Variants in ADAM32 observed in about 807,000 individuals in gnomAD.
ADAM32 encodes the protein disintegrin and metalloproteinase domain-containing protein 32.
ADAM32 carries 89 observed loss-of-function variants against 114.9 expected under a neutral mutation model. The ratio of observed to expected loss-of-function variants is 0.77; its 90% CI spans 0.65 to 0.92. The LOEUF (loss-of-function observed/expected upper bound fraction) is 0.92, where lower values mean the gene tolerates loss of function less well. Among genes scored for constraint, ADAM32 ranks in the 40% least tolerant of loss-of-function variants. The probability of loss-of-function intolerance (pLI) is 0.00; values close to 1 mark genes in which losing one functional copy is unlikely to be tolerated. For missense variants in ADAM32, 870 were observed against 932.8 expected (o/e 0.93, Z 0.88); for synonymous variants, 285 against 307.5 (o/e 0.93, Z 0.77).
intron 2 of ADAM32, among the ~76,000 whole-genome samples, chr8:39,125,177 C>A (rs1199892618): frequency 3.3e-5 from 5 of 152,112 alleles, no homozygotes; most frequent in Non-Finnish European, 7.3e-5. Context: ...ATCCTTCGCC[C>A]AATTTTTAAT....
At chr8:39,223,964 A>C (rs1327000966) in intron 14 of ADAM32, 1 of 152,172 alleles carries the variant, frequency 6.6e-6, no homozygotes, top group Non-Finnish European at 1.5e-5. Flanking sequence ...GTTACTGCAA[A>C]TGGCAGGATT....
chr8:39,160,840 C>A (rs1246398770), intron 6 of ADAM32, 57 bp from the exon 7 acceptor site: 1 of 1,423,226 alleles, frequency 7.0e-7, no homozygotes, highest in Non-Finnish European at 9.5e-7. Flanking sequence ...AAGAAGAGTT[C>A]AAGTAAAAAA....
chr8:39,205,309 C>T lies in ADAM32; in HGVS notation c.1053-5835C>T, dbSNP rs563191702. Among the ~76,000 whole-genome samples the T allele has an allele frequency of 2.2e-3, 333 of 152,344 alleles. 2 individuals are homozygous for T. The highest frequency in any genetic ancestry group is 7.1e-3 in the African/African-American group (294 of 41,586). ...GCTTCCAGGCAGCTTTGTTTACCTA[C>T]TCAAGCCTCGGCAATGGCAGGCGCC... On this transcript the variant is annotated intron_variant, in intron 11 of 24. Transcript: ENST00000379907.
At chr8:39,226,007 C>T (rs1809343615) in intron 14 of ADAM32, among the ~76,000 whole-genome samples, 1 of 151,954 alleles carries the variant, frequency 6.6e-6, no homozygotes, top group Non-Finnish European at 1.5e-5. Context: ...TAAGGATACT[C>T]AGCAAACTTC....
rs1809096497 is a variant in ADAM32 at position 39,223,098 on chromosome 8, A to C, written c.1385A>C (p.Glu462Ala). 3.1e-6 allele frequency: 5 copies of C among 1,594,016 alleles called. No homozygotes were observed. The highest frequency in any genetic ancestry group is 1.1e-5 in the South Asian group (1 of 87,224). Reference sequence around the variant, plus strand: ...GCACATCCTGAATGTGACATCGCTGAAAATTGTAATGGAACCTCACCAGAA... The same window carrying C: ...GCACATCCTGAATGTGACATCGCTGCAAATTGTAATGGAACCTCACCAGAA... The part of the protein sequence containing the change: ...PKAHPECDIA[E>A]NCNGTSPECG... Residue 462 changes from glutamate to alanine, a missense_variant, in exon 14 of 25, where the codon GAA becomes GCA. Transcript: ENST00000379907.
chr8:39,208,116 C>A (rs902388872), intron 11 of ADAM32, among the ~76,000 whole-genome samples: 8 of 151,650 alleles, frequency 5.3e-5, no homozygotes, highest in African/African-American at 1.9e-4. Flanking sequence ...ATATAGTAGT[C>A]CTATTTTTAG....
intron 10 of ADAM32, among the ~76,000 whole-genome samples, chr8:39,180,777 C>T (rs566988007): frequency 3.5e-4 from 54 of 152,116 alleles, no homozygotes; most frequent in African/African-American, 1.2e-3. Flanking sequence ...CTTGGAGAAC[C>T]TTTATGTCTA....
intron 16 of ADAM32, among the ~76,000 whole-genome samples, chr8:39,242,733 A>G (rs995249564): frequency 8.5e-5 from 13 of 152,342 alleles, no homozygotes; most frequent in Non-Finnish European, 1.6e-4. Flanking sequence ...TCAAGGAACT[A>G]GAGAAACAGG....
Position 39,169,927 on chromosome 8 carries a change from A to T in ADAM32, c.845A>T (p.Tyr282Phe). Residue 282 changes from tyrosine (Y) to phenylalanine (F), a missense_variant, in exon 10 of 25, where the codon TAT becomes TTT. By Grantham distance (22) the Tyr-to-Phe change is conservative. Coordinates refer to ENST00000379907, the MANE Select transcript of ADAM32 (RefSeq NM_145004.7). ...ATTTATTTATTTAGTTATATGGATT[A>T]TCCTCGTTATTTGGGAGCAGTGTTT... ...DIAYLLIYMD[Y>F]PRYLGAVFPG... 6.3e-7 allele frequency: 1 copy of T among 1,592,104 alleles called. No individual in the cohort carries two copies.
intron 19 of ADAM32, among the ~76,000 whole-genome samples, chr8:39,260,694 A>G (rs77831186): frequency 0.013 from 1,943 of 152,186 alleles, 19 homozygotes; most frequent in Non-Finnish European, 0.019. Context: ...TTAATCAAGG[A>G]TATTGGCCTA....
chr8:39,157,956 C>T (rs1804240748), intron 6 of ADAM32: 1 of 339,494 alleles, frequency 2.9e-6, no homozygotes, highest in Non-Finnish European at 5.7e-6. Context: ...GGGCAGGATG[C>T]CATGCCCCAA....
chr8:39,135,606 T>C (rs571212350), intron 2 of ADAM32, among the ~76,000 whole-genome samples: 155 of 152,324 alleles, frequency 1.0e-3, no homozygotes, highest in African/African-American at 3.6e-3. Flanking sequence ...CTAGTTTGTC[T>C]TCTACTGTCC....
At chr8:39,275,286 A>G (rs542469637) in intron 21 of ADAM32, among the ~76,000 whole-genome samples, 106 of 152,292 alleles carry the variant, frequency 7.0e-4, no homozygotes, top group Middle Eastern at 3.4e-3. Context: ...TTTAGTTTGT[A>G]TTTACCTTTC....
upstream of ADAM32, chr8:39,107,681 G>C (rs1208309034): frequency 5.2e-6 from 8 of 1,539,920 alleles, no homozygotes; most frequent in African/African-American, 1.1e-4. Flanking sequence ...TCCCATGAAC[G>C]TGCGGGGAGC....
At chr8:39,242,875 A>G (rs572218316) in intron 16 of ADAM32, among the ~76,000 whole-genome samples, 1 of 152,342 alleles carries the variant, frequency 6.6e-6, no homozygotes, top group South Asian at 2.1e-4. Context: ...AACAAAACGG[A>G]TAGACCATTA....
intron 10 of ADAM32, among the ~76,000 whole-genome samples, chr8:39,176,623 G>C (rs1406443987): frequency 1.3e-5 from 2 of 152,172 alleles, no homozygotes; most frequent in Admixed American, 6.5e-5. Context: ...ATTGATTTTA[G>C]AGTAAGTACT....
At chr8:39,267,148 T>C (rs1014268286) in intron 19 of ADAM32, among the ~76,000 whole-genome samples, 1 of 152,056 alleles carries the variant, frequency 6.6e-6, no homozygotes, top group East Asian at 1.9e-4. Context: ...TAGGTGGGGG[T>C]TCCCCCATTT....
At chr8:39,153,176 C>T (rs1213898442) in intron 6 of ADAM32, among the ~76,000 whole-genome samples, 6 of 152,052 alleles carry the variant, frequency 3.9e-5, no homozygotes. Flanking sequence ...TTAAATAATA[C>T]AGGGTCCAAA....
At chr8:39,166,893 T>G (rs1298391969) in intron 9 of ADAM32, 1 of 152,210 alleles carries the variant, frequency 6.6e-6, no homozygotes, top group Non-Finnish European at 1.5e-5. Flanking sequence ...TGTTTGTTTT[T>G]TTCTTACTGA....
Sources: gnomAD v4.1 joint callset for allele counts (sites outside exome capture counted in the v4.1 genomes callset) on GRCh38, gnomAD v4.1.1 for gene constraint, MANE v1.5 for transcripts, NCBI Gene and HGNC (gene_info 2026-07-23, HGNC 2026-07-21) for gene names.